The following STXBP5L variants were observed in gnomAD, a reference collection of about 807,000 sequenced individuals.
STXBP5L encodes syntaxin binding protein 5L.
STXBP5L carries 65 observed loss-of-function variants against 144.5 expected under a neutral mutation model. That is an observed-to-expected ratio of 0.45 (90% confidence interval 0.37 to 0.55). The LOEUF (loss-of-function observed/expected upper bound fraction) is 0.55. STXBP5L is among the 20% of genes least tolerant of loss of function. The pLI is 0.00. For missense variants in STXBP5L, 1,298 were observed against 1,405.5 expected, an observed-to-expected ratio of 0.92 and a Z score of 1.22; for synonymous variants, 505 against 469.6, an observed-to-expected ratio of 1.08 and a Z score of -0.97.
At chr3:120,969,194 C>A (rs148185297) in intron 3 of STXBP5L, among the ~76,000 whole-genome samples, 2 of 152,024 alleles carry the variant, frequency 1.3e-5, no homozygotes, top group African/African-American at 4.8e-5. Flanking sequence ...CACATCCATG[C>A]CAACATCTAT....
chr3:120,959,145 T>G (rs1022375392), intron 3 of STXBP5L, among the ~76,000 whole-genome samples: 6 of 152,272 alleles, frequency 3.9e-5, no homozygotes, highest in Non-Finnish European at 7.4e-5. Flanking sequence ...TGAACTCCCA[T>G]TCACAATTGC....
At chr3:121,108,571 G>A (rs926333246) in intron 5 of STXBP5L, among the ~76,000 whole-genome samples, 3 of 152,154 alleles carry the variant, frequency 2.0e-5, no homozygotes, top group Admixed American at 6.5e-5. Context: ...AAGCCAGCTT[G>A]ATCGTGGTAG....
At chr3:121,159,062 A>G (rs941520194) in intron 9 of STXBP5L, 1 of 152,078 alleles carries the variant, frequency 6.6e-6, no homozygotes, top group East Asian at 1.9e-4. Flanking sequence ...TTTTGATAAT[A>G]GAGGCATTTA....
intron 2 of STXBP5L, among the ~76,000 whole-genome samples, chr3:120,952,060 A>C (rs1318423429): frequency 2.0e-5 from 3 of 151,536 alleles, no homozygotes; most frequent in African/African-American, 7.3e-5. Flanking sequence ...CAAGAACAAA[A>C]AACCAAACAC....
intron 7 of STXBP5L, among the ~76,000 whole-genome samples, chr3:121,145,633 C>T (rs146826661): frequency 9.2e-5 from 14 of 151,924 alleles, no homozygotes; most frequent in Admixed American, 3.9e-4. Context: ...GAACCACAAA[C>T]GTGTTAAACT....
intron 3 of STXBP5L, among the ~76,000 whole-genome samples, chr3:121,030,529 CG>C (rs1560026338): frequency 6.6e-6 from 1 of 151,874 alleles, no homozygotes; most frequent in Non-Finnish European, 1.5e-5. Context: ...GGGCATGTTG[CG>C]GGGTGTGGGA....
At chr3:121,202,577 G>A (rs1382280983) in intron 9 of STXBP5L, among the ~76,000 whole-genome samples, 1 of 151,982 alleles carries the variant, frequency 6.6e-6, no homozygotes, top group Non-Finnish European at 1.5e-5. Flanking sequence ...TTTTTTGTAA[G>A]ATAGCTCTGT....
At chr3:121,129,437 A>AC (rs1400552950) in intron 7 of STXBP5L, among the ~76,000 whole-genome samples, 1 of 152,044 alleles carries the variant, frequency 6.6e-6, no homozygotes, top group Non-Finnish European at 1.5e-5. Context: ...AAAAAAAAAA[A>AC]AAATAGATTG....
chr3:120,940,573 G>C (rs1330612864), intron 2 of STXBP5L, among the ~76,000 whole-genome samples: 2 of 151,388 alleles, frequency 1.3e-5, no homozygotes, highest in African/African-American at 4.8e-5. Context: ...GTCCAGAGTA[G>C]AGAGAAAATA....
intron 20 of STXBP5L, among the ~76,000 whole-genome samples, chr3:121,363,750 G>A (rs2045784364): frequency 6.6e-6 from 1 of 152,086 alleles, no homozygotes; most frequent in Non-Finnish European, 1.5e-5. Context: ...TTATGAAGGT[G>A]GGTTTTTTTT....
rs181468671 is a variant in STXBP5L, at chr3:121,358,550, G to A, written c.2177-20166G>A. Among the ~76,000 whole-genome samples the A allele has an allele frequency of 9.2e-5, 14 of 152,096 alleles. No homozygotes were observed. The East Asian group carries it at 1.5e-3, about 17-fold the overall frequency. Reference sequence around the variant, plus strand: ...ACTCTATCATGAGGCAGCACTAGGGGGATTGTGCCAAACCATTAGAAACCA... The same window carrying A: ...ACTCTATCATGAGGCAGCACTAGGGAGATTGTGCCAAACCATTAGAAACCA... On this transcript the variant is annotated intron_variant, in intron 20 of 26. Coordinates refer to ENST00000471454, the MANE Select transcript of STXBP5L (RefSeq NM_001308330.2).
intron 20 of STXBP5L, among the ~76,000 whole-genome samples, chr3:121,373,962 C>G (rs990942360): frequency 6.6e-6 from 1 of 152,182 alleles, no homozygotes; most frequent in African/African-American, 2.4e-5. Context: ...CTGTGTGCTC[C>G]ACCCAAGGGC....
chr3:121,186,767 G>T (rs187579738), intron 9 of STXBP5L, among the ~76,000 whole-genome samples: 1 of 152,044 alleles, frequency 6.6e-6, no homozygotes, highest in Non-Finnish European at 1.5e-5. Flanking sequence ...ATGAACAGAC[G>T]CTTCTCAAAA....
At chr3:121,002,500 A>C (rs1943868622) in intron 3 of STXBP5L, among the ~76,000 whole-genome samples, 1 of 151,972 alleles carries the variant, frequency 6.6e-6, no homozygotes, top group Admixed American at 6.6e-5. Flanking sequence ...GTGGCCTTTA[A>C]TTTTGTTGAT....
At chr3:120,968,741 T>C (rs1559926317) in intron 3 of STXBP5L, among the ~76,000 whole-genome samples, 1 of 152,086 alleles carries the variant, frequency 6.6e-6, no homozygotes, top group Non-Finnish European at 1.5e-5. Flanking sequence ...CAAAGTCCAT[T>C]ATATCACTCT....
At chr3:121,051,697 A>G (rs531176637) in intron 5 of STXBP5L, among the ~76,000 whole-genome samples, 3 of 152,158 alleles carry the variant, frequency 2.0e-5, no homozygotes, top group South Asian at 2.1e-4. Context: ...AAGAGGAAAC[A>G]CATTCAAAAG....
chr3:121,000,198 T>C (rs1333727886), intron 3 of STXBP5L, among the ~76,000 whole-genome samples: 2 of 152,200 alleles, frequency 1.3e-5, no homozygotes, highest in African/African-American at 4.8e-5. Flanking sequence ...AATCCTCAAA[T>C]ATGTATTACA....
rs559649252 is a variant in STXBP5L at position 121,188,164 on chromosome 3, C to T, written c.878-17759C>T. 8.5e-5 allele frequency among the ~76,000 whole-genome samples: 13 copies of T among 152,296 alleles called. No individual in the cohort carries two copies. The South Asian group carries it at 2.7e-3, about 32-fold the overall frequency. On this transcript the variant is annotated intron_variant, in intron 9 of 26. Coordinates refer to ENST00000471454, the MANE Select transcript of STXBP5L (RefSeq NM_001308330.2). The stretch of plus-strand genomic sequence containing the variant: ...TTAACAAGGATATCCAGGACTTGAA[C>T]TCAGCTCTGCACCAAGTGGACCTAA...
intron 20 of STXBP5L, among the ~76,000 whole-genome samples, chr3:121,329,787 G>C (rs1394748977): frequency 6.6e-6 from 1 of 152,102 alleles, no homozygotes; most frequent in Non-Finnish European, 1.5e-5. Context: ...TTGAACCCAG[G>C]AGGAGGAGGA....
Sources: gnomAD v4.1 joint callset for allele counts (sites outside exome capture counted in the v4.1 genomes callset) on GRCh38, gnomAD v4.1.1 for gene constraint, MANE v1.5 for transcripts, NCBI Gene and HGNC (gene_info 2026-07-23, HGNC 2026-07-21) for gene names.